The following KALRN variants were observed in gnomAD, a reference collection of about 807,000 sequenced individuals.
The protein encoded by KALRN is kalirin RhoGEF kinase, also known as kalirin.
A neutral mutation model predicts 353.7 loss-of-function variants in KALRN; 70 were observed. The observed-to-expected ratio is 0.20, with a 90% CI of 0.16 to 0.24. The LOEUF (loss-of-function observed/expected upper bound fraction) is 0.24. Among genes scored for constraint, KALRN ranks in the 10% least tolerant of loss-of-function variants. KALRN has a pLI of 1.00. For missense variants in KALRN, 2,791 were observed against 3,756.7 expected, an observed-to-expected ratio of 0.74 and a Z score of 6.72; for synonymous variants, 1,391 against 1,434.8, an observed-to-expected ratio of 0.97 and a Z score of 0.69.
At chr3:124,049,110 G>T (rs2040800250) in intron 1 of KALRN, among the ~76,000 whole-genome samples, 1 of 152,178 alleles carries the variant, frequency 6.6e-6, no homozygotes, top group Non-Finnish European at 1.5e-5. Flanking sequence ...TAAATAAATG[G>T]TAGAGGCCAT....
chr3:124,298,722 G>C, intron 5 of KALRN, 69 bp from the exon 6 acceptor site: 4 of 1,575,470 alleles, frequency 2.5e-6, no homozygotes, highest in Non-Finnish European at 3.5e-6. Context: ...CCTTCCACTA[G>C]CTCTGAAAGT....
chr3:124,537,755 G>T (rs536437300), intron 33 of KALRN, among the ~76,000 whole-genome samples: 2 of 152,358 alleles, frequency 1.3e-5, no homozygotes, highest in Non-Finnish European at 2.9e-5. Context: ...AGATGAGTAG[G>T]AAAGACTGAG....
At chr3:124,626,054 T>C (rs1457015809) in intron 34 of KALRN, among the ~76,000 whole-genome samples, 3 of 152,018 alleles carry the variant, frequency 2.0e-5, no homozygotes, top group Non-Finnish European at 4.4e-5. Flanking sequence ...GCACACCAGC[T>C]TAGGCAACAG....
chr3:124,315,313 G>A (rs1449944969), intron 6 of KALRN, among the ~76,000 whole-genome samples: 1 of 152,128 alleles, frequency 6.6e-6, no homozygotes. Context: ...GAAGCACAGG[G>A]AAGCTCCTTG....
chr3:124,416,501 G>T (rs2092506529), intron 14 of KALRN, among the ~76,000 whole-genome samples: 1 of 152,256 alleles, frequency 6.6e-6, no homozygotes, highest in Admixed American at 6.5e-5. Context: ...CTGTTCTCCT[G>T]CTCCTACCAC....
At chr3:124,250,631 T>G (rs1290540647) in intron 3 of KALRN, among the ~76,000 whole-genome samples, 3 of 152,184 alleles carry the variant, frequency 2.0e-5, no homozygotes, top group African/African-American at 7.2e-5. Context: ...TTTTTAAAGT[T>G]AAAAGATGAA....
intron 10 of KALRN, among the ~76,000 whole-genome samples, chr3:124,352,355 T>C (rs1476397999): frequency 6.6e-6 from 1 of 152,220 alleles, no homozygotes; most frequent in East Asian, 1.9e-4. Flanking sequence ...TTCAAGTGCC[T>C]GTGGTTTACA....
At chr3:124,493,701 C>T (rs1469149062) in intron 32 of KALRN, among the ~76,000 whole-genome samples, 1 of 152,188 alleles carries the variant, frequency 6.6e-6, no homozygotes, top group Non-Finnish European at 1.5e-5. Context: ...CCAGGACAAG[C>T]AGGGTAGGGA....
At chr3:124,068,587 G>A (rs1451865776) in intron 1 of KALRN, among the ~76,000 whole-genome samples, 1 of 152,176 alleles carries the variant, frequency 6.6e-6, no homozygotes, top group Non-Finnish European at 1.5e-5. Flanking sequence ...ACAAATAAGA[G>A]GCAGCTAGTA....
intron 34 of KALRN, among the ~76,000 whole-genome samples, chr3:124,585,501 G>A (rs3863066): frequency 0.15 from 23,167 of 152,162 alleles, 1,940 homozygotes; most frequent in South Asian, 0.18. Context: ...TCTGTGCCCA[G>A]TTAGGACTGT....
intron 10 of KALRN, among the ~76,000 whole-genome samples, chr3:124,351,732 T>C (rs188343587): frequency 4.3e-4 from 66 of 152,378 alleles, no homozygotes; most frequent in African/African-American, 1.5e-3. Context: ...GTAAATGATA[T>C]CTTTGAAGAA....
chr3:124,259,148 T>C (rs1244963031), intron 3 of KALRN, among the ~76,000 whole-genome samples: 9 of 152,110 alleles, frequency 5.9e-5, no homozygotes, highest in Non-Finnish European at 1.3e-4. Flanking sequence ...GCTGGAGCCT[T>C]CTGGGGAGAC....
intron 3 of KALRN, among the ~76,000 whole-genome samples, chr3:124,253,828 C>A (rs1219412856): frequency 6.6e-6 from 1 of 152,204 alleles, no homozygotes; most frequent in Non-Finnish European, 1.5e-5. Flanking sequence ...GCCAAAGGAA[C>A]CAGCCCCCAG....
At chr3:124,384,459 A>G (rs2149933928) in intron 10 of KALRN, 1 of 163,094 alleles carries the variant, frequency 6.1e-6, no homozygotes, top group South Asian at 2.0e-4. Context: ...TCTCACATGG[A>G]AATACAGACC....
intron 51 of KALRN, among the ~76,000 whole-genome samples, chr3:124,688,184 C>T (rs550455724): frequency 6.6e-6 from 1 of 151,960 alleles, no homozygotes; most frequent in Non-Finnish European, 1.5e-5. Flanking sequence ...TGGCTGTGTT[C>T]ACCTGTAGTC....
intron 4 of KALRN, among the ~76,000 whole-genome samples, chr3:124,267,185 T>TATACA (rs2073659086): frequency 6.6e-6 from 1 of 152,204 alleles, no homozygotes; most frequent in East Asian, 1.9e-4. Context: ...AACAGATACT[T>TATACA]ATACAACAGA....
chr3:124,488,519 A>G, intron 29 of KALRN: 1 of 553,796 alleles, frequency 1.8e-6, no homozygotes, highest in Non-Finnish European at 3.2e-6. Flanking sequence ...AGGAAGGACC[A>G]GGCCTAAGCC....
chr3:124,158,895 A>G (rs1253980874), intron 1 of KALRN, among the ~76,000 whole-genome samples: 1 of 152,032 alleles, frequency 6.6e-6, no homozygotes, highest in Non-Finnish European at 1.5e-5. Context: ...TGCACACCCA[A>G]CCAGATCTGG....
chr3:124,365,610 A>T (rs2084585082), intron 10 of KALRN, among the ~76,000 whole-genome samples: 1 of 152,192 alleles, frequency 6.6e-6, no homozygotes, highest in Admixed American at 6.5e-5. Flanking sequence ...AGAGAGGATG[A>T]TTCTTCTAGA....
Sources: gnomAD v4.1 joint callset for allele counts (sites outside exome capture counted in the v4.1 genomes callset) on GRCh38, gnomAD v4.1.1 for gene constraint, MANE v1.5 for transcripts, NCBI Gene and HGNC (gene_info 2026-07-23, HGNC 2026-07-21) for gene names.